Variants in MLLT3 observed in about 807,000 individuals in gnomAD.
MLLT3 encodes the protein MLLT3 super elongation complex subunit, also known as protein AF-9.
Under a neutral mutation model 53.2 loss-of-function variants are expected in MLLT3, and 4 were observed. The ratio of observed to expected loss-of-function variants is 0.08; its 90% CI spans 0.04 to 0.17. The LOEUF (loss-of-function observed/expected upper bound fraction) is 0.17, where lower values mean the gene tolerates loss of function less well. Ranked by LOEUF, MLLT3 falls within the 10% of genes least tolerant of loss-of-function variation. MLLT3 has a pLI of 1.00. For synonymous variants in MLLT3, 283 were observed against 230.6 expected (o/e 1.23, Z -2.06); for missense variants, 569 against 684.0 (o/e 0.83, Z 1.87).
At chr9:20,607,072 T>A (rs946421297) in intron 2 of MLLT3, among the ~76,000 whole-genome samples, 2 of 152,092 alleles carry the variant, frequency 1.3e-5, no homozygotes, top group Non-Finnish European at 2.9e-5. Context: ...ACTATCGTCA[T>A]CTACCATAGT....
At chr9:20,363,642 A>G (rs761269315) in intron 6 of MLLT3, 37 bp from the exon 7 acceptor site, 1 of 1,607,222 alleles carries the variant, frequency 6.2e-7, no homozygotes, top group African/African-American at 1.3e-5. Context: ...AATCAAACAT[A>G]TACTCAAACA....
intron 4 of MLLT3, chr9:20,415,447 A>G: frequency 3.1e-6 from 3 of 969,726 alleles, no homozygotes; most frequent in Non-Finnish European, 3.7e-6. Flanking sequence ...ATATTTGTGA[A>G]CCTCTACCAT....
At chr9:20,391,832 T>A (rs1213988620) in intron 5 of MLLT3, among the ~76,000 whole-genome samples, 14 of 152,216 alleles carry the variant, frequency 9.2e-5, no homozygotes, top group Admixed American at 9.2e-4. Flanking sequence ...AATGTCGAAC[T>A]AGCAGCTAGA....
At chr9:20,396,312 T>C (rs1822320378) in intron 5 of MLLT3, among the ~76,000 whole-genome samples, 1 of 152,060 alleles carries the variant, frequency 6.6e-6, no homozygotes, top group African/African-American at 2.4e-5. Context: ...ACTAGAAATA[T>C]TCAGGTTCTA....
intron 2 of MLLT3, among the ~76,000 whole-genome samples, chr9:20,610,248 A>C (rs1335903535): frequency 1.3e-5 from 2 of 152,164 alleles, no homozygotes; most frequent in African/African-American, 4.8e-5. Context: ...TTAGGTAGTA[A>C]AAAAATGATA....
intron 2 of MLLT3, among the ~76,000 whole-genome samples, chr9:20,607,179 C>T (rs1820592384): frequency 6.6e-6 from 1 of 152,098 alleles, no homozygotes; most frequent in African/African-American, 2.4e-5. Context: ...CTTCATATTG[C>T]TCAAACTCTC....
chr9:20,357,777 G>A (rs1441836483), intron 8 of MLLT3, among the ~76,000 whole-genome samples: 3 of 152,150 alleles, frequency 2.0e-5, no homozygotes, highest in African/African-American at 4.8e-5. Flanking sequence ...GCTTTGCCTG[G>A]TGCTTTATCA....
chr9:20,558,852 C>CATG (rs1819129497), intron 2 of MLLT3, among the ~76,000 whole-genome samples: 1 of 152,230 alleles, frequency 6.6e-6, no homozygotes, highest in African/African-American at 2.4e-5. Context: ...AGACTGGGAC[C>CATG]ATGACTACAA....
At chr9:20,606,679 G>A in intron 2 of MLLT3, among the ~76,000 whole-genome samples, 1 of 152,070 alleles carries the variant, frequency 6.6e-6, no homozygotes, top group East Asian at 1.9e-4. Flanking sequence ...AGATCCTTTA[G>A]AGAAAACTTT....
chr9:20,465,370 T>C lies in MLLT3; in HGVS notation c.194-8584A>G, dbSNP rs1824209487. Among the ~76,000 whole-genome samples the C allele has an allele frequency of 2.0e-5, 3 of 152,130 alleles. No homozygotes were observed. In the South Asian group the frequency reaches 6.2e-4, roughly 32 times the overall value. On this transcript the variant is annotated intron_variant, in intron 2 of 10. Coordinates refer to ENST00000380338, the MANE Select transcript of MLLT3 (RefSeq NM_004529.4). ...TTGTTCTTTTAATAAATGCACTGTA[T>C]GAGAGTTACTTTTAAATACGCTACA...
intron 5 of MLLT3, among the ~76,000 whole-genome samples, chr9:20,398,856 G>A (rs572766675): frequency 8.6e-5 from 13 of 151,826 alleles, no homozygotes; most frequent in Middle Eastern, 3.4e-3. Context: ...CTGCCCCTGT[G>A]TTATTTTTGT....
At chr9:20,551,871 C>CTT (rs1290545410) in intron 2 of MLLT3, among the ~76,000 whole-genome samples, 1 of 152,164 alleles carries the variant, frequency 6.6e-6, no homozygotes, top group East Asian at 1.9e-4. Context: ...CAGCAGTAGA[C>CTT]TTTTGTAACC....
In MLLT3 at chr9:20,620,365, C is replaced by A. The variant is rs1046933649; in HGVS notation, c.193+289G>T. The stretch of plus-strand genomic sequence containing the variant: ...ACTCAACAACTAATTGCACCTTCCC[C>A]ACAGAACCCGCGGCTAACCCCAGAG... On this transcript the variant is annotated intron_variant, in intron 2 of 10. Coordinates refer to ENST00000380338, the MANE Select transcript of MLLT3 (RefSeq NM_004529.4). This position sits in a 1 kb window ranked among gnomAD's most constrained non-coding sequence, Gnocchi z 6.1. 6.6e-6 allele frequency among the ~76,000 whole-genome samples: 1 copy of A among 151,980 alleles called. No homozygotes were observed. The highest frequency in any genetic ancestry group is 2.4e-5 in the African/African-American group (1 of 41,408).
chr9:20,590,730 T>C (rs55929327), intron 2 of MLLT3, among the ~76,000 whole-genome samples: 4,237 of 152,200 alleles, frequency 0.028, 186 homozygotes, highest in African/African-American at 0.097. Flanking sequence ...ACTAATACAA[T>C]TGCCGTCTTC....
intron 2 of MLLT3, among the ~76,000 whole-genome samples, chr9:20,470,920 G>A (rs940778035): frequency 2.6e-5 from 4 of 152,000 alleles, no homozygotes; most frequent in Admixed American, 2.6e-4. Context: ...ACAAAAAGCA[G>A]TGAGACATTT....
At chr9:20,505,427 A>T (rs950889088) in intron 2 of MLLT3, among the ~76,000 whole-genome samples, 2 of 152,242 alleles carry the variant, frequency 1.3e-5, no homozygotes, top group African/African-American at 2.4e-5. Flanking sequence ...TAGAAACCAG[A>T]GTGCCTGAGA....
At chr9:20,489,900 T>C (rs1159000580) in intron 2 of MLLT3, among the ~76,000 whole-genome samples, 2 of 152,182 alleles carry the variant, frequency 1.3e-5, no homozygotes, top group Non-Finnish European at 2.9e-5. Flanking sequence ...TAATACTTTT[T>C]CTGAGTCAGG....
intron 2 of MLLT3, among the ~76,000 whole-genome samples, chr9:20,513,757 C>G (rs1440975308): frequency 1.3e-5 from 2 of 152,110 alleles, no homozygotes; most frequent in Non-Finnish European, 2.9e-5. Flanking sequence ...CGGGAGGAGG[C>G]AGGGAGTGGA....
At chr9:20,406,090 T>A (rs1247189320) in intron 5 of MLLT3, among the ~76,000 whole-genome samples, 1 of 151,540 alleles carries the variant, frequency 6.6e-6, no homozygotes, top group African/African-American at 2.4e-5. Context: ...CCAGCCTGGA[T>A]AACAGAGTGA....
Sources: allele counts gnomAD v4.1 joint callset (sites outside exome capture counted in the v4.1 genomes callset), GRCh38; gene constraint gnomAD v4.1.1; non-coding constraint Gnocchi (gnomAD v3.1); transcripts MANE v1.5; gene names NCBI Gene and HGNC (gene_info 2026-07-23, HGNC 2026-07-21).